Variants in TM7SF3 observed in about 807,000 individuals in gnomAD.
TM7SF3 encodes the protein seven span transmembrane protein.
A neutral mutation model predicts 65.5 loss-of-function variants in TM7SF3; 60 were observed. The ratio of observed to expected loss-of-function variants is 0.92; its 90% CI spans 0.74 to 1.14. TM7SF3 has a LOEUF of 1.14. Among genes scored for constraint, TM7SF3 ranks in the 50% most tolerant of loss-of-function variants. TM7SF3 has a pLI of 0.00. For synonymous variants in TM7SF3, 264 were observed against 259.6 expected (o/e 1.02, Z -0.16); for missense variants, 623 against 684.8 (o/e 0.91, Z 1.01).
In TM7SF3 at chr12:26,975,713, A is replaced by G. The variant is rs1322064820; in HGVS notation, c.1288-55T>C. ...ATCCATGTTAGAACAAAAATAGTTT[A>G]TAACTCTCCACTGGCTTCAATCACA... is the stretch of plus-strand genomic sequence containing the variant. On this transcript the variant is annotated intron_variant, in intron 10 of 11. Coordinates refer to ENST00000343028, the MANE Select transcript of TM7SF3 (RefSeq NM_016551.3). The G allele has an allele frequency of 2.5e-6, 4 of 1,569,322 alleles. No individual in the cohort carries two copies. In the African/African-American group the frequency reaches 4.1e-5, roughly 16 times the overall value.
chr12:27,007,552 C>T (rs1941087655), intron 1 of TM7SF3, among the ~76,000 whole-genome samples: 1 of 151,968 alleles, frequency 6.6e-6, no homozygotes, highest in South Asian at 2.1e-4. Context: ...AAACAGAACA[C>T]TGCTGCCTGG....
At chr12:27,011,489 T>C (rs572755994) in intron 1 of TM7SF3, among the ~76,000 whole-genome samples, 1 of 152,316 alleles carries the variant, frequency 6.6e-6, no homozygotes, top group African/African-American at 2.4e-5. Context: ...CGTTCCAAGA[T>C]TTATTTAGCA....
chr12:26,993,777 T>C (rs1940475842), intron 5 of TM7SF3, among the ~76,000 whole-genome samples: 1 of 152,246 alleles, frequency 6.6e-6, no homozygotes, highest in East Asian at 1.9e-4. Flanking sequence ...AGCACTCTTC[T>C]GCAAAGAGCT....
intron 3 of TM7SF3, 99 bp downstream of exon 3, chr12:26,999,427 C>T (rs1030262162): frequency 3.9e-6 from 5 of 1,289,138 alleles, no homozygotes; most frequent in Admixed American, 2.3e-5. Context: ...ATAAATTATA[C>T]TTGCAACAAA....
intron 1 of TM7SF3, among the ~76,000 whole-genome samples, chr12:27,011,461 T>C (rs1032695684): frequency 2.0e-5 from 3 of 152,192 alleles, no homozygotes; most frequent in Admixed American, 1.3e-4. Flanking sequence ...TCAGACATTC[T>C]AGGAACTCCA....
At chr12:27,010,181 A>C (rs897195185) in intron 1 of TM7SF3, among the ~76,000 whole-genome samples, 1 of 152,232 alleles carries the variant, frequency 6.6e-6, no homozygotes, top group Non-Finnish European at 1.5e-5. Context: ...GAAAGTATCA[A>C]ACAAATGGGA....
chr12:26,995,466 A>C, intron 4 of TM7SF3, 58 bp from the exon 5 acceptor site: 2 of 1,568,926 alleles, frequency 1.3e-6, no homozygotes, highest in Non-Finnish European at 1.7e-6. Flanking sequence ...CCCATCTATA[A>C]AAAGGAACCA....
chr12:26,980,801 T>A (rs934200003), intron 7 of TM7SF3, among the ~76,000 whole-genome samples, 155 bp from the exon 8 acceptor site: 1 of 152,068 alleles, frequency 6.6e-6, no homozygotes, highest in Non-Finnish European at 1.5e-5. Context: ...AAAAAAAATC[T>A]AAAAGGCAGA....
At chr12:26,977,525 G>GGGAGGACTGCCTGAGCCC (rs1939619570) in intron 9 of TM7SF3, among the ~76,000 whole-genome samples, 1 of 152,162 alleles carries the variant, frequency 6.6e-6, no homozygotes, top group African/African-American at 2.4e-5. Flanking sequence ...AGGCCGAGGT[G>GGGAGGACTGCCTGAGCCC]AACAGATCAC....
intron 1 of TM7SF3, chr12:27,012,995 CAA>C (rs772325397): frequency 6.4e-3 from 746 of 116,592 alleles, no homozygotes; most frequent in South Asian, 0.043. Flanking sequence ...GAGACTCCGT[CAA>C]AAAAAAAAAA....
At chr12:26,977,792 ATGTGTGTGTG>A (rs1183244095) in intron 9 of TM7SF3, among the ~76,000 whole-genome samples, 1 of 126,706 alleles carries the variant, frequency 7.9e-6, no homozygotes, top group Non-Finnish European at 1.7e-5. Context: ...GTGTGTGTGT[ATGTGTGTGTG>A]TGTATACATA....
At chr12:26,978,121 C>A (rs867822319) in intron 9 of TM7SF3, 2 of 442,798 alleles carry the variant, frequency 4.5e-6, no homozygotes, top group Middle Eastern at 3.4e-4. Context: ...TGGGTTTGCA[C>A]CCACTAGCAT....
At chr12:26,976,147 CA>C (rs1939553508) in intron 10 of TM7SF3, 112 bp downstream of exon 10, 1 of 764,764 alleles carries the variant, frequency 1.3e-6, no homozygotes, top group Non-Finnish European at 2.2e-6. Context: ...TCATCTGATA[CA>C]GGTAACACAG....
chr12:26,999,356 A>G (rs1351825422), intron 3 of TM7SF3, among the ~76,000 whole-genome samples, 170 bp downstream of exon 3: 1 of 152,024 alleles, frequency 6.6e-6, no homozygotes, highest in Non-Finnish European at 1.5e-5. Context: ...AGATCGCGCC[A>G]CTACACTCCA....
Position 26,997,823 on chromosome 12 carries a change from C to CTTTTT in TM7SF3, c.398-966_398-962dup, listed in dbSNP as rs3071165. Among the ~76,000 whole-genome samples the CTTTTT allele has an allele frequency of 6.8e-4, 78 of 114,028 alleles. 1 individual carries two copies. The highest frequency in any genetic ancestry group is 7.8e-4 in the Non-Finnish European group (46 of 58,738). The allele number at this position is 114,028 out of a possible 152,430, so 74.8% of individuals were successfully genotyped here. On this transcript the variant is annotated intron_variant, in intron 3 of 11. Transcript: ENST00000343028. ...TCCGTAGACTGTAACTTACCACTTCCTTTTTTTTTTTTTTTTTTTTGAGAC... is the reference window on the plus strand; with the variant it reads ...TCCGTAGACTGTAACTTACCACTTCCTTTTTTTTTTTTTTTTTTTTTTTTTGAGAC...
chr12:26,982,735 C>T (rs768589420), intron 7 of TM7SF3, 38 bp downstream of exon 7: 11 of 1,466,470 alleles, frequency 7.5e-6, no homozygotes, highest in East Asian at 4.6e-5. Context: ...ACTGAAAAGA[C>T]TGCAAAATGG....
chr12:27,006,478 A>G (rs1941042220), intron 1 of TM7SF3, among the ~76,000 whole-genome samples: 1 of 152,202 alleles, frequency 6.6e-6, no homozygotes, highest in Admixed American at 6.5e-5. Flanking sequence ...AACACACACT[A>G]GAAAAAAAAA....
At chr12:26,982,363 G>A (rs962838733) in intron 7 of TM7SF3, among the ~76,000 whole-genome samples, 14 of 152,010 alleles carry the variant, frequency 9.2e-5, no homozygotes, top group Non-Finnish European at 1.6e-4. Context: ...TTTTGGTAGA[G>A]AAGGGATCTC....
chr12:26,987,905 C>T (rs1015808812), intron 6 of TM7SF3, among the ~76,000 whole-genome samples: 6 of 152,084 alleles, frequency 3.9e-5, no homozygotes, highest in South Asian at 2.1e-4. Context: ...CAAGTGTCTC[C>T]TGAGAAGGAC....
Sources: gnomAD v4.1 joint callset for allele counts (sites outside exome capture counted in the v4.1 genomes callset) on GRCh38, gnomAD v4.1.1 for gene constraint, MANE v1.5 for transcripts, NCBI Gene and HGNC (gene_info 2026-07-23, HGNC 2026-07-21) for gene names.